The following CSMD3 variants were observed in gnomAD, a reference collection of about 807,000 sequenced individuals.
CSMD3 encodes CUB and sushi domain-containing protein 3.
In CSMD3, 177 loss-of-function variants were observed where a neutral mutation model predicts 435.2. The ratio of observed to expected loss-of-function variants is 0.41; its 90% CI spans 0.36 to 0.46. The LOEUF (loss-of-function observed/expected upper bound fraction) is 0.46. Ranked by LOEUF, CSMD3 falls within the 20% of genes least tolerant of loss-of-function variation. The pLI, the probability that CSMD3 is intolerant of heterozygous loss-of-function variation, is 0.34. For missense variants in CSMD3, 4,265 were observed against 4,504.6 expected, an observed-to-expected ratio of 0.95 and a Z score of 1.52; for synonymous variants, 1,656 against 1,520.5, an observed-to-expected ratio of 1.09 and a Z score of -2.07.
intron 32 of CSMD3, among the ~76,000 whole-genome samples, chr8:112,454,890 T>A (rs998454709): frequency 2.0e-5 from 3 of 151,988 alleles, no homozygotes; most frequent in African/African-American, 7.3e-5. Flanking sequence ...TACAAAATAT[T>A]TAAAATGACC....
chr8:112,480,257 G>A lies in CSMD3; in HGVS notation c.5279-7550C>T, dbSNP rs1400849402. 2.0e-5 allele frequency among the ~76,000 whole-genome samples: 3 copies of A among 152,200 alleles called. No individual in the cohort carries two copies. In the East Asian group the frequency reaches 5.8e-4, roughly 29 times the overall value. ...AATGCCTGCACTACTATTGTATCTT[G>A]GGAGTAAATAACTTGTTTTGATTTT... On this transcript the variant is annotated intron_variant, in intron 31 of 70. Coordinates refer to ENST00000297405, the MANE Select transcript of CSMD3 (RefSeq NM_198123.2).
intron 12 of CSMD3, among the ~76,000 whole-genome samples, chr8:112,814,798 T>G (rs1008951545): frequency 6.6e-6 from 1 of 151,614 alleles, no homozygotes; most frequent in African/African-American, 2.4e-5. Context: ...AAAAAAAAAT[T>G]TTTTTTTCAT....
At chr8:112,486,554 C>A (rs2130822468) in intron 31 of CSMD3, among the ~76,000 whole-genome samples, 1 of 152,272 alleles carries the variant, frequency 6.6e-6, no homozygotes, top group Non-Finnish European at 1.5e-5. Context: ...TCTTGTTCTA[C>A]TGAATTACTT....
intron 31 of CSMD3, among the ~76,000 whole-genome samples, chr8:112,489,530 A>G (rs549053828): frequency 2.0e-5 from 3 of 152,344 alleles, no homozygotes; most frequent in African/African-American, 7.2e-5. Context: ...AAGAAACAAA[A>G]ATATATCAAA....
intron 3 of CSMD3, among the ~76,000 whole-genome samples, chr8:113,200,868 T>A (rs2092709436): frequency 6.6e-6 from 1 of 151,826 alleles, no homozygotes; most frequent in African/African-American, 2.4e-5. Flanking sequence ...AAATTTCTTC[T>A]GTATAGAGGT....
rs77999157 is a variant in CSMD3, at chr8:113,034,344, G to A, written c.918-15165C>T. Among the ~76,000 whole-genome samples, 46 of 151,434 alleles carry A rather than the reference G, an allele frequency of 3.0e-4. No homozygotes were observed. In the East Asian group the frequency reaches 6.8e-3, roughly 22 times the overall value. On this transcript the variant is annotated intron_variant, in intron 5 of 70. Transcript: ENST00000297405. The stretch of plus-strand genomic sequence containing the variant: ...TGTATACACAAAATGTGATATATTC[G>A]GCAATAAAAATGAAGTACAGATACA...
chr8:113,106,676 T>C (rs1360210836), intron 4 of CSMD3, among the ~76,000 whole-genome samples: 1 of 152,198 alleles, frequency 6.6e-6, no homozygotes. Context: ...AAATTCATGT[T>C]CCACTTCCAT....
chr8:112,704,248 G>A (rs912426423), intron 13 of CSMD3, among the ~76,000 whole-genome samples: 21 of 151,712 alleles, frequency 1.4e-4, no homozygotes, highest in African/African-American at 4.1e-4. Flanking sequence ...TGAGTAGCTG[G>A]GATTACAGGC....
At chr8:112,328,518 A>T (rs1289652946) in intron 45 of CSMD3, among the ~76,000 whole-genome samples, 4 of 152,188 alleles carry the variant, frequency 2.6e-5, no homozygotes. Flanking sequence ...TTAGAAATCA[A>T]GAGTGAATGC....
Position 112,306,113 on chromosome 8 carries a change from G to C in CSMD3, c.7965C>G (p.Thr2655=), listed in dbSNP as rs1821398307. 6.2e-7 allele frequency: 1 copy of C among 1,613,012 alleles called. No individual in the cohort carries two copies. The highest frequency in any genetic ancestry group is 8.5e-7 in the Non-Finnish European group (1 of 1,179,258). ...ATCGATATCCATCATTACAAAAATA[G>C]GTAACTCGCGTTCCTACCAAATAGT... ...TTDYLVGTRV[T]YFCNDGYRLS... The change falls in exon 51 of 71, where the codon ACC becomes ACG. Residue 2655 remains threonine (T), a synonymous_variant. Transcript: ENST00000297405.
intron 58 of CSMD3, among the ~76,000 whole-genome samples, chr8:112,283,878 T>C (rs1393052071): frequency 6.6e-6 from 1 of 151,820 alleles, no homozygotes; most frequent in East Asian, 1.9e-4. Flanking sequence ...CATTTCAAAA[T>C]AGCTAGAAGT....
At chr8:112,259,619 G>A (rs17555344) in intron 61 of CSMD3, among the ~76,000 whole-genome samples, 27,886 of 151,840 alleles carry the variant, frequency 0.18, 2,983 homozygotes, top group Middle Eastern at 0.34. Flanking sequence ...AAATGAAATC[G>A]GAAACCAGAG....
At chr8:113,273,474 T>C (rs566675879) in intron 3 of CSMD3, among the ~76,000 whole-genome samples, 1 of 152,258 alleles carries the variant, frequency 6.6e-6, no homozygotes, top group East Asian at 1.9e-4. Flanking sequence ...CTAAGCAGCA[T>C]GATAAAATCT....
intron 32 of CSMD3, among the ~76,000 whole-genome samples, chr8:112,451,363 C>A (rs555585997): frequency 1.3e-5 from 2 of 151,208 alleles, no homozygotes; most frequent in African/African-American, 4.9e-5. Context: ...ATCATGGAAA[C>A]ATGAAATGAA....
At chr8:112,649,265 C>T (rs1452373008) in intron 19 of CSMD3, among the ~76,000 whole-genome samples, 2 of 152,100 alleles carry the variant, frequency 1.3e-5, no homozygotes, top group African/African-American at 4.8e-5. Context: ...TTTTTAAATA[C>T]CAGTTAGAGT....
chr8:112,442,679 A>C (rs1402302871), intron 32 of CSMD3, among the ~76,000 whole-genome samples: 3 of 152,198 alleles, frequency 2.0e-5, no homozygotes, highest in Non-Finnish European at 4.4e-5. Flanking sequence ...CTCTGAACTC[A>C]ACTCCCTGCA....
intron 2 of CSMD3, among the ~76,000 whole-genome samples, chr8:113,301,966 T>C (rs905499357): frequency 1.3e-5 from 2 of 151,640 alleles, no homozygotes; most frequent in East Asian, 1.9e-4. Flanking sequence ...CTTTAACCTT[T>C]GTGACATTTT....
At position 112,318,158 on chromosome 8, in the gene CSMD3, G is replaced by T. The variant is rs1822648190; in HGVS notation, c.7360+679C>A. ...TCTTTGCATATATATCTGCCACTTA[G>T]ACCACCCTCTCTCTAGCTCTGTTCT... is the stretch of plus-strand genomic sequence containing the variant. On this transcript the variant is annotated intron_variant, in intron 47 of 70. Transcript: ENST00000297405. Among the ~76,000 whole-genome samples the T allele has an allele frequency of 3.3e-5, 5 of 151,962 alleles. 1 individual carries two copies. The South Asian group carries it at 1.0e-3, about 32-fold the overall frequency.
rs146177485 is a variant in CSMD3, at chr8:112,860,811, T to C, written c.1634-1545A>G. On this transcript the variant is annotated intron_variant, in intron 10 of 70. Coordinates refer to ENST00000297405, the MANE Select transcript of CSMD3 (RefSeq NM_198123.2). ...ATTTGTTCTTGTTTTATTTTTCCCA[T>C]CTGACCCTTAAGTAGCATAATTCTA... 6.6e-5 allele frequency among the ~76,000 whole-genome samples: 10 copies of C among 151,992 alleles called. No individual in the cohort carries two copies. In the East Asian group the frequency reaches 1.9e-3, roughly 29 times the overall value.
Sources: gnomAD v4.1 joint callset for allele counts (sites outside exome capture counted in the v4.1 genomes callset) on GRCh38, gnomAD v4.1.1 for gene constraint, MANE v1.5 for transcripts, NCBI Gene and HGNC (gene_info 2026-07-23, HGNC 2026-07-21) for gene names.